The following DNAH17 variants were observed in gnomAD, a reference collection of about 807,000 sequenced individuals.
DNAH17 encodes axonemal beta dynein heavy chain 17.
Under a neutral mutation model 485.6 loss-of-function variants are expected in DNAH17, and 376 were observed. The observed-to-expected ratio is 0.77, with a 90% confidence interval of 0.71 to 0.84. The LOEUF is 0.84. Among genes scored for constraint, DNAH17 ranks in the 40% least tolerant of loss-of-function variants. The pLI is 0.00. For missense variants in DNAH17, 6,370 were observed against 5,839.3 expected, an observed-to-expected ratio of 1.09 and a Z score of -2.96; for synonymous variants, 3,031 against 2,405.9, an observed-to-expected ratio of 1.26 and a Z score of -7.60.
rs1392642066 is a variant in DNAH17, at chr17:78,466,585, G to C, written c.8940+70C>G. 5 of 1,444,406 alleles carry C rather than the reference G, an allele frequency of 3.5e-6. No homozygotes were observed. In the South Asian group the frequency reaches 6.0e-5, roughly 17 times the overall value. The allele number at this position is 1,444,406 out of a possible 1,614,324, so 89.5% of individuals were successfully genotyped here. On this transcript the variant is annotated intron_variant, in intron 56 of 80. Transcript: ENST00000389840. ...AATCCCAGCGCCCTTTTCTCCCAGG[G>C]AGCCAGCCCTTGGGCCTGTCCTTGT...
At chr17:78,463,482 ATACC>A (rs2088253220) in intron 56 of DNAH17, among the ~76,000 whole-genome samples, 1 of 152,096 alleles carries the variant, frequency 6.6e-6, no homozygotes, top group Non-Finnish European at 1.5e-5. Context: ...ACGCATTCAC[ATACC>A]TGTATATATA....
intron 69 of DNAH17, among the ~76,000 whole-genome samples, chr17:78,448,258 G>A (rs1417096519): frequency 6.6e-6 from 1 of 151,766 alleles, no homozygotes; most frequent in African/African-American, 2.4e-5. Flanking sequence ...CCAGCTACAG[G>A]GAGGTTGAGG....
intron 56 of DNAH17, among the ~76,000 whole-genome samples, chr17:78,463,829 T>C (rs1161735146): frequency 1.3e-5 from 2 of 152,188 alleles, no homozygotes; most frequent in African/African-American, 4.8e-5. Context: ...TTCAGGACAT[T>C]TTGAAAAGTA....
chr17:78,533,960 A>G (rs1400936867), intron 19 of DNAH17, among the ~76,000 whole-genome samples: 1 of 152,234 alleles, frequency 6.6e-6, no homozygotes. Flanking sequence ...TGTTGGGATT[A>G]CAGGCGTGAG....
chr17:78,495,733 C>G (rs1400569585), intron 38 of DNAH17, 142 bp downstream of exon 38: 1 of 1,017,762 alleles, frequency 9.8e-7, no homozygotes, highest in African/African-American at 1.6e-5. Context: ...TTACTGTGCC[C>G]GGCCATCTTG....
Position 78,543,953 on chromosome 17 carries a change from T to C in DNAH17, c.2436A>G (p.Lys812=), listed in dbSNP as rs1322106280. Reference sequence around the variant, plus strand: ...TTCCATCCAAGTCTAACAGGGCCTCTTTCTTATTGTCCTTTCTTTCAAACA... The same window carrying C: ...TTCCATCCAAGTCTAACAGGGCCTCCTTCTTATTGTCCTTTCTTTCAAACA... The part of the protein sequence containing the change: ...NPLFERKDNK[K]EALLDLDGRI... The change falls in exon 17 of 81, where the codon AAA becomes AAG. Residue 812 remains lysine (K), a synonymous_variant. Coordinates refer to ENST00000389840, the MANE Select transcript of DNAH17 (RefSeq NM_173628.4). 1.2e-6 allele frequency: 2 copies of C among 1,614,052 alleles called. No homozygotes were observed. Among genetic ancestry groups the C allele is most frequent in the Middle Eastern group, 1.6e-4 (1 of 6,062 alleles).
chr17:78,553,281 G>GTT (rs2091944110), intron 14 of DNAH17, among the ~76,000 whole-genome samples: 2 of 42,088 alleles, frequency 4.8e-5, no homozygotes, highest in Admixed American at 2.8e-4. Context: ...CCAGGTTTTT[G>GTT]TGTTTTTTTT....
At chr17:78,509,987 G>GACT (rs2090589599) in intron 27 of DNAH17, among the ~76,000 whole-genome samples, 1 of 152,140 alleles carries the variant, frequency 6.6e-6, no homozygotes, top group South Asian at 2.1e-4. Context: ...CTCGAGACCA[G>GACT]ACTGGCCAAC....
intron 15 of DNAH17, among the ~76,000 whole-genome samples, chr17:78,552,353 G>A (rs1212883782): frequency 1.3e-5 from 2 of 152,158 alleles, no homozygotes; most frequent in Non-Finnish European, 2.9e-5. Flanking sequence ...GCCAAGATGT[G>A]CACCAGCTCT....
intron 73 of DNAH17, 71 bp downstream of exon 73, chr17:78,439,019 C>T (rs368815449): frequency 2.6e-6 from 4 of 1,548,616 alleles, no homozygotes; most frequent in Middle Eastern, 2.2e-4. Flanking sequence ...TCCTTCCGGG[C>T]CTTCTGGCCC....
intron 15 of DNAH17, among the ~76,000 whole-genome samples, chr17:78,552,470 G>C (rs1185592489): frequency 1.3e-5 from 2 of 151,948 alleles, no homozygotes; most frequent in African/African-American, 4.8e-5. Flanking sequence ...GCAGTTCCCA[G>C]GGAGTCTTTG....
Position 78,507,776 on chromosome 17 carries a change from G to T in DNAH17, c.4266C>A (p.Ser1422Arg). The change falls in exon 28 of 81, where the codon AGC becomes AGA. Residue 1422 changes from serine to arginine, a missense_variant. By Grantham distance (110) the Ser-to-Arg change is moderately radical (BLOSUM62 -1). Transcript: ENST00000389840. ...GCGGCTCGTGCTGGAATTCCATCAT[G>T]CTCCAGGTACTGTCCAGGGCTTTCA... ...KVLKALDSTW[S>R]MMEFQHEPHP... 6.3e-7 allele frequency: 1 copy of T among 1,583,744 alleles called. No individual in the cohort carries two copies. The highest frequency in any genetic ancestry group is 8.5e-7 in the Non-Finnish European group (1 of 1,171,964).
Position 78,512,469 on chromosome 17 carries a change from G to A in DNAH17, c.4114-1963C>T, listed in dbSNP as rs149306946. Among the ~76,000 whole-genome samples the A allele has an allele frequency of 3.5e-3, 528 of 152,300 alleles. 4 individuals carry two copies. The highest frequency in any genetic ancestry group is 0.012 in the African/African-American group (511 of 41,548). On this transcript the variant is annotated intron_variant, in intron 26 of 80. Coordinates refer to ENST00000389840, the MANE Select transcript of DNAH17 (RefSeq NM_173628.4). ...CACTTGGCATTCAAACCTGATTATG[G>A]AGGTTGGCAGAATTTGCCACCAAAA...
chr17:78,449,999 G>A, intron 68 of DNAH17: 1 of 541,436 alleles, frequency 1.8e-6, no homozygotes. Context: ...TGATTGGGTT[G>A]TGAGTGCCTG....
At chr17:78,511,907 A>G (rs930146533) in intron 26 of DNAH17, among the ~76,000 whole-genome samples, 1 of 152,218 alleles carries the variant, frequency 6.6e-6, no homozygotes, top group Non-Finnish European at 1.5e-5. Context: ...TTTTTGTCTC[A>G]ACACTCGAAA....
chr17:78,549,720 A>G (rs966275613), intron 16 of DNAH17, among the ~76,000 whole-genome samples: 15 of 152,182 alleles, frequency 9.9e-5, no homozygotes, highest in Non-Finnish European at 7.4e-5. Context: ...GGTGGTGGGC[A>G]GTGGTCAAGC....
intron 65 of DNAH17, among the ~76,000 whole-genome samples, 169 bp from the exon 66 acceptor site, chr17:78,451,842 G>A (rs1431783552): frequency 6.6e-6 from 1 of 152,036 alleles, no homozygotes; most frequent in East Asian, 1.9e-4. Context: ...CTCCTCCCTG[G>A]CCTGTGACGT....
intron 44 of DNAH17, 75 bp from the exon 45 acceptor site, chr17:78,486,581 C>G (rs2089619932): frequency 1.3e-6 from 2 of 1,485,222 alleles, no homozygotes; most frequent in Non-Finnish European, 1.8e-6. Context: ...GGTAAACGCC[C>G]CTCCCTACCT....
At chr17:78,530,889 C>T (rs150054855) in intron 20 of DNAH17, among the ~76,000 whole-genome samples, 84 of 152,336 alleles carry the variant, frequency 5.5e-4, no homozygotes, top group African/African-American at 1.9e-3. Flanking sequence ...CTGCCCCAAC[C>T]CTGTGCTACA....
Sources: gnomAD v4.1 joint callset for allele counts (sites outside exome capture counted in the v4.1 genomes callset) on GRCh38, gnomAD v4.1.1 for gene constraint, MANE v1.5 for transcripts, NCBI Gene and HGNC (gene_info 2026-07-23, HGNC 2026-07-21) for gene names.